GSE1: variants seen among roughly 807,000 people sequenced by gnomAD.
GSE1 encodes the protein genetic suppressor element 1.
In GSE1, 32 loss-of-function variants were observed where a neutral mutation model predicts 112.6. That is an observed-to-expected ratio of 0.28 (90% CI 0.21 to 0.38). The LOEUF is 0.38. Ranked by LOEUF, GSE1 falls within the 10% of genes least tolerant of loss-of-function variation. GSE1 has a pLI of 1.00. For synonymous variants in GSE1, 1,115 were observed against 735.6 expected (o/e 1.52, Z -8.35); for missense variants, 2,348 against 1,699.2 (o/e 1.38, Z -6.71).
intron 1 of GSE1, among the ~76,000 whole-genome samples, chr16:85,604,806 T>TA (rs2047624248): frequency 1.1e-3 from 1 of 948 alleles, no homozygotes; most frequent in Non-Finnish European, 2.8e-3. Context: ...TATATATATA[T>TA]TTTTTTTTTT....
upstream of GSE1, among the ~76,000 whole-genome samples, chr16:85,553,903 G>A (rs1416038640): frequency 3.9e-5 from 6 of 152,174 alleles, 1 homozygote; most frequent in Admixed American, 1.3e-4. Flanking sequence ...TGCCGCTGGG[G>A]ACCCCTGATT....
At chr16:85,658,075 C>T (rs939407628) in intron 8 of GSE1, among the ~76,000 whole-genome samples, 2 of 152,210 alleles carry the variant, frequency 1.3e-5, no homozygotes, top group African/African-American at 4.8e-5. Flanking sequence ...AACACATGCC[C>T]GTTTTCTAGC....
At chr16:85,362,827 A>G (rs889097054) in intron 2 of GSE1, among the ~76,000 whole-genome samples, 6 of 132,890 alleles carry the variant, frequency 4.5e-5, no homozygotes, top group East Asian at 2.4e-4. Context: ...GTGGTTATTG[A>G]TATCTTTTTT....
chr16:85,554,775 TG>T (rs901552562), upstream of GSE1: 109 of 423,830 alleles, frequency 2.6e-4, no homozygotes, highest in Middle Eastern at 1.2e-3. Context: ...CTGTCAGTCG[TG>T]GGGGGGGAGG....
At chr16:85,221,594 C>T (rs1782962299) in intron 1 of GSE1, among the ~76,000 whole-genome samples, 1 of 152,176 alleles carries the variant, frequency 6.6e-6, no homozygotes, top group African/African-American at 2.4e-5. Flanking sequence ...AGCCCCAACT[C>T]CCCAGCCAGG....
rs757265926 is a variant in GSE1 at position 85,661,267 on chromosome 16, G to A, written c.1762G>A (p.Val588Met). The A allele has an allele frequency of 2.9e-5, 46 of 1,612,818 alleles. No homozygotes were observed. The highest frequency in any genetic ancestry group is 3.6e-5 in the Non-Finnish European group (43 of 1,179,990). The change falls in exon 9 of 16, where the codon GTG (valine) becomes ATG (methionine). Residue 588 changes from valine to methionine, a missense_variant. Physicochemically the swap from Val to Met is conservative, Grantham distance 21. Coordinates refer to ENST00000253458, the MANE Select transcript of GSE1 (RefSeq NM_014615.5). ...HAAPTALWNP[V>M]SLMDNTLETR... is the part of the protein sequence containing the mutation. ...TGCACCCACGGCCCTCTGGAACCCCGTGTCCCTGATGGACAACACCTTGGA... is the reference window on the plus strand; with the variant it reads ...TGCACCCACGGCCCTCTGGAACCCCATGTCCCTGATGGACAACACCTTGGA...
chr16:85,286,243 G>A (rs187701639), intron 1 of GSE1, among the ~76,000 whole-genome samples: 3 of 152,330 alleles, frequency 2.0e-5, no homozygotes, highest in African/African-American at 4.8e-5. Flanking sequence ...TTTCCAATAC[G>A]GGGTTCAGGC....
intron 2 of GSE1, among the ~76,000 whole-genome samples, chr16:85,495,599 C>T (rs1048091647): frequency 2.6e-5 from 4 of 151,894 alleles, no homozygotes; most frequent in African/African-American, 9.7e-5. Context: ...AGGGTTCAAG[C>T]AATTCTTACG....
chr16:85,465,850 A>G (rs751152518), intron 2 of GSE1, among the ~76,000 whole-genome samples: 4 of 152,268 alleles, frequency 2.6e-5, no homozygotes, highest in Admixed American at 1.3e-4. Context: ...AATGTTTGTC[A>G]TATGACTAGA....
intron 2 of GSE1, among the ~76,000 whole-genome samples, chr16:85,534,678 G>C (rs981476896): frequency 1.3e-5 from 2 of 152,212 alleles, no homozygotes; most frequent in Non-Finnish European, 2.9e-5. Flanking sequence ...GTGCCGCCGT[G>C]AGCTCGGGTG....
At chr16:85,649,872 T>C (rs1413831335) in intron 3 of GSE1, among the ~76,000 whole-genome samples, 1 of 152,170 alleles carries the variant, frequency 6.6e-6, no homozygotes, top group African/African-American at 2.4e-5. Flanking sequence ...AGGGCCTGTC[T>C]GCCCTCTATC....
At chr16:85,670,342 G>T (rs1015973136) in intron 14 of GSE1, among the ~76,000 whole-genome samples, 1 of 152,232 alleles carries the variant, frequency 6.6e-6, no homozygotes, top group Non-Finnish European at 1.5e-5. Context: ...TCCCATTAAA[G>T]AGTGAAGGTT....
chr16:85,572,446 A>G lies in GSE1; in HGVS notation c.37+16083A>G, dbSNP rs373488112. Among the ~76,000 whole-genome samples, 468 of 131,154 alleles carry G rather than the reference A, an allele frequency of 3.6e-3. 1 individual carries two copies. The highest frequency in any genetic ancestry group is 0.012 in the African/African-American group (449 of 35,942). The allele number at this position is 131,154 out of a possible 152,430, so 86.0% of individuals were successfully genotyped here. On this transcript the variant is annotated intron_variant, in intron 1 of 2. Coordinates refer to the GSE1 transcript ENST00000635906. Reference sequence around the variant, plus strand: ...CACACACACAGCACATACAACACACAGCACATACCACACACACAACACACA... The same window carrying G: ...CACACACACAGCACATACAACACACGGCACATACCACACACACAACACACA...
chr16:85,629,902 A>G (rs1382537022), intron 1 of GSE1, among the ~76,000 whole-genome samples: 1 of 152,212 alleles, frequency 6.6e-6, no homozygotes, highest in African/African-American at 2.4e-5. Flanking sequence ...TCCGCAGCTC[A>G]GTGGCTTAAA....
intron 14 of GSE1, 74 bp downstream of exon 14, chr16:85,668,498 C>T (rs1029226021): frequency 5.0e-6 from 5 of 1,001,212 alleles, no homozygotes; most frequent in Non-Finnish European, 6.0e-6. Context: ...GTGATGAGTT[C>T]ATGCAGACCT....
At chr16:85,486,441 C>T (rs2050842430) in intron 2 of GSE1, among the ~76,000 whole-genome samples, 2 of 152,258 alleles carry the variant, frequency 1.3e-5, no homozygotes, top group South Asian at 4.1e-4. Flanking sequence ...ACAGCTCCCA[C>T]CCCTTGGCAT....
chr16:85,612,416 G>A (rs996347465), upstream of GSE1, among the ~76,000 whole-genome samples: 5 of 152,110 alleles, frequency 3.3e-5, no homozygotes, highest in African/African-American at 4.8e-5. Context: ...GGGAGGCGCT[G>A]CGCTGGGGCC....
intron 2 of GSE1, among the ~76,000 whole-genome samples, chr16:85,463,444 G>T (rs1035415638): frequency 6.6e-6 from 1 of 152,088 alleles, no homozygotes; most frequent in South Asian, 2.1e-4. Context: ...GGCGGGCACC[G>T]GGCTTGCTGC....
chr16:85,333,035 C>T (rs2151522737), intron 1 of GSE1, among the ~76,000 whole-genome samples: 1 of 152,258 alleles, frequency 6.6e-6, no homozygotes, highest in South Asian at 2.1e-4. Flanking sequence ...CACTTCTCCA[C>T]CTGTCATCCC....
Sources: gnomAD v4.1 joint callset for allele counts (sites outside exome capture counted in the v4.1 genomes callset) on GRCh38, gnomAD v4.1.1 for gene constraint, MANE v1.5 for transcripts, NCBI Gene and HGNC (gene_info 2026-07-23, HGNC 2026-07-21) for gene names.